GMDS: variants seen among roughly 807,000 people sequenced by gnomAD.
GMDS encodes GDP-mannose 4,6 dehydratase.
In GMDS, 20 loss-of-function variants were observed where a neutral mutation model predicts 49.9. That is an observed-to-expected ratio of 0.40 (90% CI 0.28 to 0.58). GMDS has a LOEUF of 0.58. Among genes scored for constraint, GMDS ranks in the 20% least tolerant of loss-of-function variants. GMDS has a pLI of 0.42. For missense variants in GMDS, 362 were observed against 481.4 expected (o/e 0.75, Z 2.32); for synonymous variants, 177 against 178.6 (o/e 0.99, Z 0.07).
At chr6:1,671,983 C>T (rs1160730548) in intron 9 of GMDS, among the ~76,000 whole-genome samples, 1 of 152,090 alleles carries the variant, frequency 6.6e-6, no homozygotes, top group African/African-American at 2.4e-5. Flanking sequence ...TACTTTCTGC[C>T]ATTACTTTTA....
intron 9 of GMDS, among the ~76,000 whole-genome samples, chr6:1,683,502 ACT>A (rs1260844196): frequency 6.6e-6 from 1 of 152,020 alleles, no homozygotes; most frequent in Admixed American, 6.6e-5. Context: ...AACCCAAGAA[ACT>A]CTGGTGGGAA....
At chr6:2,224,018 T>C (rs1467889318) in intron 1 of GMDS, among the ~76,000 whole-genome samples, 1 of 151,748 alleles carries the variant, frequency 6.6e-6, no homozygotes, top group Non-Finnish European at 1.5e-5. Context: ...GGAGGGAAAA[T>C]CAAGAGGAAA....
At chr6:1,785,297 A>G (rs571184511) in intron 7 of GMDS, among the ~76,000 whole-genome samples, 16 of 152,342 alleles carry the variant, frequency 1.1e-4, no homozygotes, top group African/African-American at 2.9e-4. Flanking sequence ...TGTAAAAAAT[A>G]AAAAAGAGCT....
chr6:1,859,638 A>C (rs1484611062), intron 7 of GMDS, among the ~76,000 whole-genome samples: 1 of 152,190 alleles, frequency 6.6e-6, no homozygotes, highest in Non-Finnish European at 1.5e-5. Flanking sequence ...AGGTAGCCTC[A>C]GAGGAAGTGC....
intron 4 of GMDS, among the ~76,000 whole-genome samples, chr6:2,087,611 C>T (rs1386221805): frequency 3.3e-5 from 5 of 152,148 alleles, no homozygotes; most frequent in African/African-American, 1.2e-4. Flanking sequence ...TCTCAGTACC[C>T]AGAAAAAGTA....
At chr6:1,951,536 C>T (rs568990328) in intron 6 of GMDS, among the ~76,000 whole-genome samples, 1 of 152,196 alleles carries the variant, frequency 6.6e-6, no homozygotes, top group African/African-American at 2.4e-5. Context: ...TTATAGCTTC[C>T]CATTGCCACA....
intron 9 of GMDS, among the ~76,000 whole-genome samples, chr6:1,651,932 C>T (rs891421528): frequency 5.3e-5 from 7 of 132,460 alleles, no homozygotes; most frequent in African/African-American, 2.0e-4. Flanking sequence ...CACACTCAGT[C>T]GGGTGTCTCC....
At chr6:2,230,864 C>CA (rs566882206) in intron 1 of GMDS, among the ~76,000 whole-genome samples, 76 of 144,322 alleles carry the variant, frequency 5.3e-4, no homozygotes, top group African/African-American at 1.1e-3. Flanking sequence ...TACTTCTCCT[C>CA]AAAAAAAAAC....
chr6:2,158,032 C>A (rs1311375366), intron 1 of GMDS, among the ~76,000 whole-genome samples: 7 of 152,096 alleles, frequency 4.6e-5, no homozygotes, highest in African/African-American at 1.2e-4. Context: ...CAAAAACAAA[C>A]CTCAGCCCCC....
chr6:1,723,566 T>C lies in GMDS; in HGVS notation c.987+2850A>G, dbSNP rs143781192. ...GGATGGTCTCGATCTCCTGATCTTGTGATCCACCCGCCTCGGCCTCTTTAT... is the reference window on the plus strand; with the variant it reads ...GGATGGTCTCGATCTCCTGATCTTGCGATCCACCCGCCTCGGCCTCTTTAT... On this transcript the variant is annotated intron_variant, in intron 9 of 10. Transcript: ENST00000380815. Among the ~76,000 whole-genome samples the C allele has an allele frequency of 6.4e-3, 951 of 149,156 alleles. 7 individuals carry two copies. The highest frequency in any genetic ancestry group is 0.021 in the African/African-American group (860 of 40,242).
At chr6:1,775,869 T>G (rs1343695483) in intron 7 of GMDS, among the ~76,000 whole-genome samples, 2 of 152,232 alleles carry the variant, frequency 1.3e-5, no homozygotes, top group Non-Finnish European at 2.9e-5. Context: ...GTTCTCTAAA[T>G]TCTCTAAAAT....
intron 4 of GMDS, among the ~76,000 whole-genome samples, chr6:2,018,272 T>G (rs1768031727): frequency 6.6e-6 from 1 of 152,214 alleles, no homozygotes; most frequent in African/African-American, 2.4e-5. Flanking sequence ...TAAACATACA[T>G]AGCTTCACTT....
chr6:2,237,520 T>TC (rs1452183150), intron 1 of GMDS, among the ~76,000 whole-genome samples: 1 of 132,278 alleles, frequency 7.6e-6, no homozygotes, highest in Non-Finnish European at 1.5e-5. Flanking sequence ...GGAAGTACCT[T>TC]TTTTTTTTTT....
At chr6:1,633,426 C>T (rs1260976899) in intron 9 of GMDS, among the ~76,000 whole-genome samples, 1 of 152,162 alleles carries the variant, frequency 6.6e-6, no homozygotes, top group Non-Finnish European at 1.5e-5. Flanking sequence ...CAAGAGAAGG[C>T]CGTGGCTGTC....
At chr6:1,856,001 C>A (rs1424161598) in intron 7 of GMDS, among the ~76,000 whole-genome samples, 1 of 152,138 alleles carries the variant, frequency 6.6e-6, no homozygotes, top group African/African-American at 2.4e-5. Context: ...CCTAATCTCT[C>A]AAATCCAAAA....
chr6:1,984,292 A>G (rs1483939242), intron 4 of GMDS, among the ~76,000 whole-genome samples: 1 of 152,184 alleles, frequency 6.6e-6, no homozygotes, highest in Non-Finnish European at 1.5e-5. Context: ...TACCTAGATG[A>G]TGAGATGATC....
intron 6 of GMDS, among the ~76,000 whole-genome samples, chr6:1,950,701 A>T (rs1386868104): frequency 6.6e-6 from 1 of 152,242 alleles, no homozygotes; most frequent in Non-Finnish European, 1.5e-5. Context: ...ATTTACTGTA[A>T]AGTAAAACTG....
chr6:2,084,464 T>C (rs1338693364), intron 4 of GMDS, among the ~76,000 whole-genome samples: 2 of 152,172 alleles, frequency 1.3e-5, no homozygotes, highest in Non-Finnish European at 2.9e-5. Context: ...TTACCCTTCA[T>C]TTCACAGCAA....
chr6:1,700,073 C>T (rs541249826), intron 9 of GMDS, among the ~76,000 whole-genome samples: 35 of 152,282 alleles, frequency 2.3e-4, no homozygotes, highest in Middle Eastern at 3.4e-3. Flanking sequence ...CCACCCCCTC[C>T]GCACCGACAC....
Sources: gnomAD v4.1 joint callset for allele counts (sites outside exome capture counted in the v4.1 genomes callset) on GRCh38, gnomAD v4.1.1 for gene constraint, MANE v1.5 for transcripts, NCBI Gene and HGNC (gene_info 2026-07-23, HGNC 2026-07-21) for gene names.